ZIC1: variants seen among roughly 807,000 people sequenced by gnomAD.
ZIC1 encodes Zic family zinc finger 1.
Under a neutral mutation model 30.9 loss-of-function variants are expected in ZIC1, and 4 were observed. The ratio of observed to expected loss-of-function variants is 0.13; its 90% CI spans 0.06 to 0.30. The LOEUF (loss-of-function observed/expected upper bound fraction) is 0.30. Among genes scored for constraint, ZIC1 ranks in the 10% least tolerant of loss-of-function variants. ZIC1 has a pLI of 1.00. For missense variants in ZIC1, 441 were observed against 639.3 expected (o/e 0.69, Z 3.34); for synonymous variants, 305 against 277.5 (o/e 1.10, Z -0.98).
rs758114214 is a variant in ZIC1, at chr3:147,410,620, G to A, written c.508G>A (p.Asp170Asn). ...NGQMRLGFSG[D>N]MYPRPEQYGQ... is the part of the protein sequence containing the mutation. ...GCAGATGAGGCTCGGCTTCTCGGGG[G>A]ACATGTACCCGCGACCGGAGCAGTA... The change falls in exon 1 of 3, where the codon GAC becomes AAC. Residue 170 changes from aspartate to asparagine, a missense_variant. Transcript: ENST00000282928. The A allele has an allele frequency of 5.6e-6, 9 of 1,613,504 alleles. No homozygotes were observed. The highest frequency in any genetic ancestry group is 6.8e-6 in the Non-Finnish European group (8 of 1,179,898).
In ZIC1 at chr3:147,414,705, T is replaced by C. The variant is rs2087418928; in HGVS notation, c.*1154T>C. ...AGGTCGTATAAACGTGATAAATGAA[T>C]GCTACCCTGCTGGCTCTCCGAGAGA... is the stretch of plus-strand genomic sequence containing the variant. On this transcript the variant is annotated 3_prime_UTR_variant, in exon 3 of 3. Transcript: ENST00000282928. 6.6e-6 allele frequency: 1 copy of C among 152,664 alleles called. No individual in the cohort carries two copies. The highest frequency in any genetic ancestry group is 2.4e-5 in the African/African-American group (1 of 41,466). The allele number at this position is 152,664 out of a possible 1,614,324, so 9.5% of individuals were successfully genotyped here. A position where few individuals can be genotyped will look rare whatever the true frequency, so the allele number is the denominator to read the frequency against.
In ZIC1 at chr3:147,411,727, G is replaced by A. The variant is rs2087380861; in HGVS notation, c.982+633G>A. 2.6e-5 allele frequency among the ~76,000 whole-genome samples: 4 copies of A among 152,024 alleles called. No homozygotes were observed. The South Asian group carries it at 8.3e-4, about 32-fold the overall frequency. ...GGTGGAGAAAGTCCGAGGAAGGCAA[G>A]GAAGAACTTGTTGTCTATTAGACTC... On this transcript the variant is annotated intron_variant, in intron 1 of 2. Coordinates refer to ENST00000282928, the MANE Select transcript of ZIC1 (RefSeq NM_003412.4).
In ZIC1 at chr3:147,413,982, T is replaced by G. The variant is rs2087408399; in HGVS notation, c.*431T>G. ...ATAGTTATATCTCGGTTGGAGCGGGTGGGTGGGATTGTGGCGTTGTGGTCT... is the reference window on the plus strand; with the variant it reads ...ATAGTTATATCTCGGTTGGAGCGGGGGGGTGGGATTGTGGCGTTGTGGTCT... On this transcript the variant is annotated 3_prime_UTR_variant, in exon 3 of 3. Transcript: ENST00000282928. 1 of 101,878 alleles carries G rather than the reference T, an allele frequency of 9.8e-6. No homozygotes were observed. The highest frequency in any genetic ancestry group is 1.9e-5 in the Non-Finnish European group (1 of 51,348). The allele number at this position is 101,878 out of a possible 1,614,324, so 6.3% of individuals were successfully genotyped here. A position where few individuals can be genotyped will look rare whatever the true frequency, so the allele number is the denominator to read the frequency against.
chr3:147,410,745 C>A lies in ZIC1; in HGVS notation c.633C>A (p.Gly211=), dbSNP rs1559970036. 6.2e-7 allele frequency: 1 copy of A among 1,614,148 alleles called. No individual in the cohort carries two copies. The highest frequency in any genetic ancestry group is 8.5e-7 in the Non-Finnish European group (1 of 1,179,994). Residue 211 remains glycine (G), a synonymous_variant, in exon 1 of 3, where the codon GGC becomes GGA. Transcript: ENST00000282928. ...NVNMAAHHGA[G]AFFRYMRQPI... ...ACATGGCCGCGCATCACGGCGCCGGCGCCTTCTTCCGCTACATGCGCCAAC... is the reference window on the plus strand; with the variant it reads ...ACATGGCCGCGCATCACGGCGCCGGAGCCTTCTTCCGCTACATGCGCCAAC...
Position 147,410,005 on chromosome 3 carries a change from C to A in ZIC1, c.-108C>A. ...ACTCCCCCTCCCTCCTCCTCTTCTT[C>A]CTCCTCTTCCTCCTCCTCTTGTTCC... On this transcript the variant is annotated 5_prime_UTR_variant, in exon 1 of 3. Coordinates refer to ENST00000282928, the MANE Select transcript of ZIC1 (RefSeq NM_003412.4). The A allele has an allele frequency of 8.2e-7, 1 of 1,221,868 alleles. No homozygotes were observed. Among genetic ancestry groups the A allele is most frequent in the Non-Finnish European group, 1.1e-6 (1 of 918,142 alleles). The allele number at this position is 1,221,868 out of a possible 1,614,324, so 75.7% of individuals were successfully genotyped here.
In ZIC1 at chr3:147,415,908, G is replaced by T. The variant is rs2087429866; in HGVS notation, c.*2357G>T. 6.6e-6 allele frequency: 1 copy of T among 152,180 alleles called. No individual in the cohort carries two copies. Among genetic ancestry groups the T allele is most frequent in the Non-Finnish European group, 1.5e-5 (1 of 68,038 alleles). 9.4% of individuals were successfully genotyped at this position (152,180 alleles called of 1,614,324 possible). On this transcript the variant is annotated 3_prime_UTR_variant, in exon 3 of 3. Coordinates refer to ENST00000282928, the MANE Select transcript of ZIC1 (RefSeq NM_003412.4). The stretch of plus-strand genomic sequence containing the variant: ...AACAAAGTCTTATTTGCTGAGGAAG[G>T]ACTTTGCTGCACTTACTGTACCACA...
At chr3:147,411,631 G>A (rs2087379714) in intron 1 of ZIC1, among the ~76,000 whole-genome samples, 2 of 152,174 alleles carry the variant, frequency 1.3e-5, no homozygotes, top group South Asian at 4.1e-4. Context: ...GATTGAGGAG[G>A]CTTTTGGAGC....
rs1184906315 is a variant in ZIC1, at chr3:147,409,687, A to T, written c.-426A>T. 1 of 173,884 alleles carries T rather than the reference A, an allele frequency of 5.8e-6. No homozygotes were observed. Among genetic ancestry groups the T allele is most frequent in the Non-Finnish European group, 1.2e-5 (1 of 82,880 alleles). The allele number at this position is 173,884 out of a possible 1,614,324, so 10.8% of individuals were successfully genotyped here. On this transcript the variant is annotated 5_prime_UTR_variant, in exon 1 of 3. It adds an upstream start codon to the 5' untranslated region. Transcript: ENST00000282928. ...GCTGCGCGAGGCGGAGAGAGGGCGA[A>T]GCAGTCGCGGCACTGGCGCTCACAT...
Position 147,415,437 on chromosome 3 carries a change from G to T in ZIC1, c.*1886G>T, listed in dbSNP as rs2087425286. On this transcript the variant is annotated 3_prime_UTR_variant, in exon 3 of 3. Transcript: ENST00000282928. ...TCTTGCAGTTTAGTTTGATAGATTT[G>T]CAAGCTATGCTGCTTCCATGAAGTT... 6.6e-6 allele frequency: 1 copy of T among 152,624 alleles called. No homozygotes were observed. The highest frequency in any genetic ancestry group is 2.1e-4 in the South Asian group (1 of 4,830). The allele number at this position is 152,624 out of a possible 1,614,324, so 9.5% of individuals were successfully genotyped here.
At chr3:147,411,185 T>C in intron 1 of ZIC1, 91 bp downstream of exon 1, 1 of 1,506,018 alleles carries the variant, frequency 6.6e-7, no homozygotes, top group South Asian at 1.3e-5. Flanking sequence ...AAACGCAGCC[T>C]CGGTGGGATC....
At position 147,416,304 on chromosome 3, in the gene ZIC1, T is replaced by C. The variant is rs1057501775; in HGVS notation, c.*2753T>C. On this transcript the variant is annotated 3_prime_UTR_variant, in exon 3 of 3. Transcript: ENST00000282928. ...AGCTTGTCTGATAACCTGATATGAG[T>C]GTGATAATGATAAACATGATAATAG... 6.6e-6 allele frequency: 1 copy of C among 152,214 alleles called. No individual in the cohort carries two copies. Among genetic ancestry groups the C allele is most frequent in the African/African-American group, 2.4e-5 (1 of 41,460 alleles). The allele number at this position is 152,214 out of a possible 1,614,324, so 9.4% of individuals were successfully genotyped here. A position where few individuals can be genotyped will look rare whatever the true frequency, so the allele number is the denominator to read the frequency against.
intron 1 of ZIC1, 108 bp from the exon 2 acceptor site, chr3:147,412,410 C>T (rs1346056480): frequency 7.3e-7 from 1 of 1,368,196 alleles, no homozygotes; most frequent in African/African-American, 1.5e-5. Flanking sequence ...AGTGCTAATC[C>T]TGGGCTGCTG....
rs1191489799 is a variant in ZIC1 at position 147,414,352 on chromosome 3, A to T, written c.*801A>T. 1.3e-5 allele frequency: 2 copies of T among 152,604 alleles called. No homozygotes were observed. The highest frequency in any genetic ancestry group is 4.8e-5 in the African/African-American group (2 of 41,420). The allele number at this position is 152,604 out of a possible 1,614,324, so 9.5% of individuals were successfully genotyped here. A position where few individuals can be genotyped will look rare whatever the true frequency, so the allele number is the denominator to read the frequency against. On this transcript the variant is annotated 3_prime_UTR_variant, in exon 3 of 3. Coordinates refer to ENST00000282928, the MANE Select transcript of ZIC1 (RefSeq NM_003412.4). ...TTTATGTAAAGTGATATTAAAAAAG[A>T]TATAAACTATAACTGTCCGTTACTT...
intron 1 of ZIC1, among the ~76,000 whole-genome samples, chr3:147,411,361 A>C (rs2087375916): frequency 6.6e-6 from 1 of 152,220 alleles, no homozygotes; most frequent in African/African-American, 2.4e-5. Flanking sequence ...CAGGAAGCCA[A>C]ACCTGGTTTG....
At chr3:147,413,294 C>G (rs1444051952) in intron 2 of ZIC1, 60 bp from the exon 3 acceptor site, 28 of 1,564,124 alleles carry the variant, frequency 1.8e-5, no homozygotes. Flanking sequence ...GCCTTCGCCT[C>G]TCTAGTCGGC....
rs376681983 is a variant in ZIC1, at chr3:147,413,569, C to A, written c.*18C>A. ...ACGTTTAAAATCAGAAACAAAACAT[C>A]GAACAAAACCCTATTTAAGAGACTG... On this transcript the variant is annotated 3_prime_UTR_variant, in exon 3 of 3. Coordinates refer to ENST00000282928, the MANE Select transcript of ZIC1 (RefSeq NM_003412.4). 1.2e-6 allele frequency: 2 copies of A among 1,613,212 alleles called. No homozygotes were observed. Among genetic ancestry groups the A allele is most frequent in the Non-Finnish European group, 1.7e-6 (2 of 1,179,550 alleles).
In ZIC1 at chr3:147,410,222, T is replaced by A; in HGVS notation, c.110T>A (p.Ile37Asn). ...GCCGAACGAGACGTGGGCCTGGGCATCAACCCGTTCGCCGACGGCATGGGC... is the reference window on the plus strand; with the variant it reads ...GCCGAACGAGACGTGGGCCTGGGCAACAACCCGTTCGCCGACGGCATGGGC... ...DVAERDVGLG[I>N]NPFADGMGAF... is the part of the protein sequence containing the mutation. The change falls in exon 1 of 3, where the codon ATC becomes AAC. Residue 37 changes from isoleucine (I) to asparagine (N), a missense_variant. Ile to Asn is a moderately radical substitution (Grantham distance 149). Transcript: ENST00000282928. 6.2e-7 allele frequency: 1 copy of A among 1,601,598 alleles called. No individual in the cohort carries two copies. Among genetic ancestry groups the A allele is most frequent in the Non-Finnish European group, 8.5e-7 (1 of 1,179,672 alleles).
At chr3:147,411,681 G>C (rs1257652310) in intron 1 of ZIC1, among the ~76,000 whole-genome samples, 1 of 152,168 alleles carries the variant, frequency 6.6e-6, no homozygotes, top group Non-Finnish European at 1.5e-5. Context: ...GTAGTGACTG[G>C]TTTTAAGAGT....
chr3:147,412,465 C>T (rs1188642933), intron 1 of ZIC1, 53 bp from the exon 2 acceptor site: 2 of 1,592,706 alleles, frequency 1.3e-6, no homozygotes, highest in East Asian at 2.2e-5. Context: ...TTTTGAAAAA[C>T]GGCCGCGGTA....
Sources: gnomAD v4.1 joint callset for allele counts (sites outside exome capture counted in the v4.1 genomes callset) on GRCh38, gnomAD v4.1.1 for gene constraint, MANE v1.5 for transcripts, NCBI Gene and HGNC (gene_info 2026-07-23, HGNC 2026-07-21) for gene names.